BMERB1: variants seen among roughly 807,000 people sequenced by gnomAD.
BMERB1 encodes bMERB domain-containing protein 1.
BMERB1 carries 12 observed loss-of-function variants against 23.6 expected under a neutral mutation model. The observed-to-expected ratio is 0.51, with a 90% confidence interval of 0.33 to 0.82. The LOEUF (loss-of-function observed/expected upper bound fraction) is 0.82, where lower values mean the gene tolerates loss of function less well. Ranked by LOEUF, BMERB1 falls within the 40% of genes least tolerant of loss-of-function variation. The pLI is 0.03. For missense variants in BMERB1, 247 were observed against 255.4 expected, an observed-to-expected ratio of 0.97 and a Z score of 0.22; for synonymous variants, 122 against 96.6, an observed-to-expected ratio of 1.26 and a Z score of -1.54.
intron 2 of BMERB1, among the ~76,000 whole-genome samples, chr16:15,562,084 G>A (rs957839415): frequency 6.6e-6 from 1 of 151,766 alleles, no homozygotes; most frequent in African/African-American, 2.4e-5. Flanking sequence ...GAGGCAGGTG[G>A]ATCACCTGAG....
chr16:15,522,021 T>C (rs1027217776), intron 2 of BMERB1, among the ~76,000 whole-genome samples: 1 of 152,200 alleles, frequency 6.6e-6, no homozygotes, highest in African/African-American at 2.4e-5. Context: ...CCCCTCTGGC[T>C]CGCTTCAGCT....
At chr16:15,449,795 C>T (rs753357771) in intron 1 of BMERB1, among the ~76,000 whole-genome samples, 1 of 152,100 alleles carries the variant, frequency 6.6e-6, no homozygotes, top group East Asian at 1.9e-4. Context: ...ATCCACCCAT[C>T]TCGGCCTCCC....
At chr16:15,560,272 A>G (rs1397026000) in intron 2 of BMERB1, among the ~76,000 whole-genome samples, 2 of 152,210 alleles carry the variant, frequency 1.3e-5, no homozygotes, top group African/African-American at 2.4e-5. Context: ...GAGGTGGACA[A>G]AGGGCCAGGG....
intron 2 of BMERB1, among the ~76,000 whole-genome samples, chr16:15,523,271 G>A (rs541659855): frequency 6.6e-6 from 1 of 152,172 alleles, no homozygotes; most frequent in African/African-American, 2.4e-5. Context: ...CCGATCTGCA[G>A]CTCTTGACGT....
chr16:15,552,006 C>T (rs1192150310), intron 2 of BMERB1, among the ~76,000 whole-genome samples: 1 of 152,106 alleles, frequency 6.6e-6, no homozygotes, highest in African/African-American at 2.4e-5. Context: ...TTATTCTGGG[C>T]CAGCTTAGCC....
At chr16:15,458,564 A>C (rs540776162) in intron 1 of BMERB1, among the ~76,000 whole-genome samples, 2 of 151,992 alleles carry the variant, frequency 1.3e-5, no homozygotes, top group East Asian at 3.9e-4. Context: ...ACAATATGAA[A>C]AAATTAGCTG....
At chr16:15,461,371 C>T (rs566190541) in intron 1 of BMERB1, among the ~76,000 whole-genome samples, 1 of 152,112 alleles carries the variant, frequency 6.6e-6, no homozygotes, top group Non-Finnish European at 1.5e-5. Context: ...ATAAAACATA[C>T]TTTGCGTTGG....
chr16:15,492,399 C>T (rs1489398534), intron 1 of BMERB1, among the ~76,000 whole-genome samples: 1 of 152,184 alleles, frequency 6.6e-6, no homozygotes. Context: ...TTGCAGGCAT[C>T]TTTTTCTTTA....
intron 1 of BMERB1, among the ~76,000 whole-genome samples, chr16:15,467,088 A>G (rs1377882940): frequency 1.3e-5 from 2 of 152,030 alleles, no homozygotes; most frequent in African/African-American, 4.8e-5. Context: ...GGTTTGTTTT[A>G]CCCATTGAAG....
At chr16:15,466,415 C>CT (rs528246218) in intron 1 of BMERB1, among the ~76,000 whole-genome samples, 11 of 150,606 alleles carry the variant, frequency 7.3e-5, no homozygotes, top group Non-Finnish European at 1.2e-4. Flanking sequence ...CCCTTTTGCC[C>CT]TTTTTTTTTC....
intron 1 of BMERB1, among the ~76,000 whole-genome samples, chr16:15,468,723 A>G (rs1351819774): frequency 6.6e-6 from 1 of 152,120 alleles, no homozygotes; most frequent in Non-Finnish European, 1.5e-5. Flanking sequence ...TCCCTTTTAT[A>G]GATTATGCTT....
At chr16:15,461,012 C>T (rs556070450) in intron 1 of BMERB1, among the ~76,000 whole-genome samples, 15 of 151,896 alleles carry the variant, frequency 9.9e-5, no homozygotes, top group Admixed American at 9.2e-4. Context: ...GTAGTCCCAG[C>T]TACTCGGGAG....
At chr16:15,470,828 T>C (rs1184212471) in intron 1 of BMERB1, among the ~76,000 whole-genome samples, 2 of 111,174 alleles carry the variant, frequency 1.8e-5, no homozygotes, top group African/African-American at 8.5e-5. Flanking sequence ...CTGGCCTCTT[T>C]TTTTTTTTTT....
intron 1 of BMERB1, among the ~76,000 whole-genome samples, chr16:15,485,870 G>T (rs113327054): frequency 0.013 from 1,927 of 152,234 alleles, 39 homozygotes; most frequent in African/African-American, 0.044. Flanking sequence ...CCTACTTAGT[G>T]CACAGCAAAG....
At chr16:15,452,154 A>G (rs995132739) in intron 1 of BMERB1, among the ~76,000 whole-genome samples, 5 of 151,268 alleles carry the variant, frequency 3.3e-5, no homozygotes, top group African/African-American at 9.7e-5. Context: ...TGGGGCGTGC[A>G]CCTGTAGTCC....
At chr16:15,518,140 C>CTCTG (rs1157679968) in intron 2 of BMERB1, among the ~76,000 whole-genome samples, 6 of 152,188 alleles carry the variant, frequency 3.9e-5, no homozygotes, top group Admixed American at 2.0e-4. Flanking sequence ...TAAGAGGCAG[C>CTCTG]TCTGCAGTAA....
In BMERB1 at chr16:15,517,925, A is replaced by ATG. The variant is rs561618851; in HGVS notation, c.230+2506_230+2507dup. 5.1e-5 allele frequency among the ~76,000 whole-genome samples: 6 copies of ATG among 118,410 alleles called. No individual in the cohort carries two copies. In the South Asian group the frequency reaches 1.4e-3, roughly 27 times the overall value. The allele number at this position is 118,410 out of a possible 152,430, so 77.7% of individuals were successfully genotyped here. On this transcript the variant is annotated intron_variant, in intron 2 of 5. Transcript: ENST00000300006. ...TGTGTGTGTGTATGTGTGTGTGAGG[A>ATG]TGTGTGTGTGCATGTGTGGGTGTGT...
rs1261501459 is a variant in BMERB1 at position 15,587,354 on chromosome 16, C to T, written c.*525C>T. On this transcript the variant is annotated 3_prime_UTR_variant, in exon 6 of 6. Transcript: ENST00000300006. ...GGCTCCACATGGCCCCCGTGTCTCT[C>T]GGGCACCACCCATATAGCAGTCCCA... is the stretch of plus-strand genomic sequence containing the variant. 1.6e-5 allele frequency: 4 copies of T among 247,236 alleles called. No homozygotes were observed. The highest frequency in any genetic ancestry group is 2.5e-5 in the Non-Finnish European group (3 of 118,512). 15.3% of individuals were successfully genotyped at this position (247,236 alleles called of 1,614,324 possible).
At position 15,434,694 on chromosome 16, in the gene BMERB1, A is replaced by G; in HGVS notation, c.41A>G (p.Glu14Gly). Residue 14 changes from glutamate (E) to glycine (G), a missense_variant, in exon 1 of 6, where the codon GAG becomes GGG. By Grantham distance (98) the Glu-to-Gly change is moderately conservative. Coordinates refer to ENST00000300006, the MANE Select transcript of BMERB1 (RefSeq NM_033201.3). Reference protein sequence around the residue: ...KQSLSTHLEAEKPLRRYGAVE... With the variant: ...KQSLSTHLEAGKPLRRYGAVE... ...TCTTTGTCCACCCATCTGGAAGCCG[A>G]GAAGCCTCTGAGGCGCTATGGGGCG... 6.2e-7 allele frequency: 1 copy of G among 1,603,982 alleles called. No individual in the cohort carries two copies. Among genetic ancestry groups the G allele is most frequent in the Non-Finnish European group, 8.5e-7 (1 of 1,174,224 alleles).
Sources: gnomAD v4.1 joint callset for allele counts (sites outside exome capture counted in the v4.1 genomes callset) on GRCh38, gnomAD v4.1.1 for gene constraint, MANE v1.5 for transcripts, NCBI Gene and HGNC (gene_info 2026-07-23, HGNC 2026-07-21) for gene names.